Variants in KHDRBS2 observed in about 807,000 individuals in gnomAD.
KHDRBS2 encodes the protein KH RNA binding domain containing, signal transduction associated 2.
Under a neutral mutation model 44.3 loss-of-function variants are expected in KHDRBS2, and 26 were observed. That is an observed-to-expected ratio of 0.59 (90% confidence interval 0.43 to 0.81). KHDRBS2 has a LOEUF of 0.81. Among genes scored for constraint, KHDRBS2 ranks in the 40% least tolerant of loss-of-function variants. The pLI, the probability that KHDRBS2 is intolerant of heterozygous loss-of-function variation, is 0.00. For synonymous variants in KHDRBS2, 194 were observed against 151.1 expected, an observed-to-expected ratio of 1.28 and a Z score of -2.08; for missense variants, 476 against 433.1, an observed-to-expected ratio of 1.10 and a Z score of -0.88.
At chr6:62,065,110 A>G (rs998508435) in intron 2 of KHDRBS2, among the ~76,000 whole-genome samples, 15 of 151,546 alleles carry the variant, frequency 9.9e-5, no homozygotes, top group South Asian at 2.1e-4. Context: ...TTAGAATGGC[A>G]ATCATTAAAA....
At chr6:61,936,036 C>A (rs1237509793) in intron 4 of KHDRBS2, among the ~76,000 whole-genome samples, 1 of 152,046 alleles carries the variant, frequency 6.6e-6, no homozygotes, top group Non-Finnish European at 1.5e-5. Context: ...TCTATTCTAT[C>A]ATCTGTCTAT....
chr6:61,708,055 G>T lies in KHDRBS2; in HGVS notation c.894-10802C>A, dbSNP rs572357840. ...TTTAGACAGTTAATTTTTCATTCAAGATTTTTTCCATTTAGAAATTGGCCT... is the reference window on the plus strand; with the variant it reads ...TTTAGACAGTTAATTTTTCATTCAATATTTTTTCCATTTAGAAATTGGCCT... On this transcript the variant is annotated intron_variant, in intron 7 of 8. Transcript: ENST00000281156. Among the ~76,000 whole-genome samples the T allele has an allele frequency of 1.4e-4, 21 of 151,612 alleles. No homozygotes were observed. In the South Asian group the frequency reaches 1.9e-3, roughly 13 times the overall value.
chr6:61,691,219 A>T (rs2127541822), intron 8 of KHDRBS2, among the ~76,000 whole-genome samples: 1 of 152,222 alleles, frequency 6.6e-6, no homozygotes, highest in East Asian at 1.9e-4. Flanking sequence ...CAAAATTGAA[A>T]CTGTAAATAC....
chr6:61,972,185 C>A (rs1310313150), intron 4 of KHDRBS2, among the ~76,000 whole-genome samples: 1 of 152,160 alleles, frequency 6.6e-6, no homozygotes, highest in Non-Finnish European at 1.5e-5. Flanking sequence ...CCAACTGCTT[C>A]TTTTATCTGT....
At chr6:61,751,123 T>TGTA (rs1190377495) in intron 6 of KHDRBS2, among the ~76,000 whole-genome samples, 6 of 152,140 alleles carry the variant, frequency 3.9e-5, no homozygotes, top group Non-Finnish European at 8.8e-5. Flanking sequence ...TAACTGAGGA[T>TGTA]AACCTTGTAT....
the KHDRBS2 span, among the ~76,000 whole-genome samples, chr6:61,659,311 A>C: frequency 1.3e-5 from 2 of 151,784 alleles, no homozygotes; most frequent in Non-Finnish European, 2.9e-5. Context: ...TCCATGTCTT[A>C]TATCCTGATA....
intron 2 of KHDRBS2, among the ~76,000 whole-genome samples, chr6:62,060,161 A>G (rs1674759689): frequency 6.6e-6 from 1 of 151,814 alleles, no homozygotes; most frequent in African/African-American, 2.4e-5. Context: ...TTTGATAAAC[A>G]GAAAGTAATT....
At chr6:61,559,442 C>A in the KHDRBS2 span, among the ~76,000 whole-genome samples, 2 of 151,818 alleles carry the variant, frequency 1.3e-5, no homozygotes, top group East Asian at 1.9e-4. Context: ...AAGGTAGGAC[C>A]TACACCTACA....
intron 6 of KHDRBS2, among the ~76,000 whole-genome samples, chr6:61,765,087 G>A (rs938855654): frequency 6.6e-6 from 1 of 152,172 alleles, no homozygotes; most frequent in African/African-American, 2.4e-5. Context: ...GAAGGGTACA[G>A]AGAATTTAAA....
the KHDRBS2 span, among the ~76,000 whole-genome samples, chr6:61,632,777 C>A: frequency 6.6e-6 from 1 of 152,028 alleles, no homozygotes; most frequent in Non-Finnish European, 1.5e-5. Context: ...ATCGCTGCCA[C>A]ACGAAAATTA....
At chr6:62,023,599 A>G (rs1377737608) in intron 3 of KHDRBS2, among the ~76,000 whole-genome samples, 3 of 151,616 alleles carry the variant, frequency 2.0e-5, no homozygotes, top group Non-Finnish European at 4.4e-5. Flanking sequence ...GTAATATCCA[A>G]TGTTCTTAGA....
intron 4 of KHDRBS2, among the ~76,000 whole-genome samples, chr6:61,959,381 G>A (rs1768137393): frequency 6.6e-6 from 1 of 152,116 alleles, no homozygotes; most frequent in Non-Finnish European, 1.5e-5. Context: ...TTAACAGGCA[G>A]TAAAATGATC....
the KHDRBS2 span, chr6:61,574,422 C>G: frequency 6.7e-7 from 1 of 1,502,576 alleles, no homozygotes; most frequent in Non-Finnish European, 8.9e-7. Flanking sequence ...ACGAGAAGAC[C>G]ATATGGAGCT....
chr6:62,273,868 T>C (rs1471856846), intron 1 of KHDRBS2, among the ~76,000 whole-genome samples: 2 of 152,136 alleles, frequency 1.3e-5, no homozygotes, highest in Non-Finnish European at 2.9e-5. Flanking sequence ...GCAACCTAGA[T>C]AGCCAACTTG....
At chr6:61,678,732 A>C (rs1352231767), downstream of KHDRBS2, among the ~76,000 whole-genome samples, 3 of 151,952 alleles carry the variant, frequency 2.0e-5, no homozygotes, top group Admixed American at 6.6e-5. Context: ...CAAAGAGGAC[A>C]AAAAATACTT....
chr6:61,695,530 T>TACC (rs1324495632), intron 8 of KHDRBS2, among the ~76,000 whole-genome samples: 9 of 152,240 alleles, frequency 5.9e-5, no homozygotes, highest in Admixed American at 3.9e-4. Flanking sequence ...CCATAATAGG[T>TACC]ACTCCATGTG....
At chr6:61,755,282 TAGCTACTG>T (rs1202120685) in intron 6 of KHDRBS2, among the ~76,000 whole-genome samples, 1 of 152,180 alleles carries the variant, frequency 6.6e-6, no homozygotes, top group Non-Finnish European at 1.5e-5. Flanking sequence ...TGATCTGTTT[TAGCTACTG>T]AGCATTGGTA....
At chr6:62,194,806 C>G (rs1024483582) in intron 1 of KHDRBS2, among the ~76,000 whole-genome samples, 5 of 151,820 alleles carry the variant, frequency 3.3e-5, no homozygotes, top group Non-Finnish European at 7.4e-5. Flanking sequence ...TGCACCCGGC[C>G]TACAATTTCT....
Position 61,784,540 on chromosome 6 carries a change from T to C in KHDRBS2, c.811-51776A>G, listed in dbSNP as rs111497494. On this transcript the variant is annotated intron_variant, in intron 6 of 8. Transcript: ENST00000281156. ...AATCAGTTTAATCTGGAAATTTATA[T>C]GGTATGAAATACATCTTCCAAATAA... Among the ~76,000 whole-genome samples the C allele has an allele frequency of 1.8e-3, 276 of 152,168 alleles. 1 individual carries two copies. Among genetic ancestry groups the C allele is most frequent in the African/African-American group, 5.7e-3 (237 of 41,578 alleles).
Sources: allele counts gnomAD v4.1 joint callset (sites outside exome capture counted in the v4.1 genomes callset), GRCh38; gene constraint gnomAD v4.1.1; transcripts MANE v1.5; gene names NCBI Gene and HGNC (gene_info 2026-07-23, HGNC 2026-07-21).